NLGN4X: variants seen among roughly 807,000 people sequenced by gnomAD.
The protein encoded by NLGN4X is neuroligin 4 X-linked.
In NLGN4X, 3 loss-of-function variants were observed where a neutral mutation model predicts 40.3. The observed-to-expected ratio is 0.07, with a 90% CI of 0.03 to 0.19. The LOEUF (loss-of-function observed/expected upper bound fraction) is 0.19, where lower values mean the gene tolerates loss of function less well. Ranked by LOEUF, NLGN4X falls within the 10% of genes least tolerant of loss-of-function variation. The probability of loss-of-function intolerance (pLI) is 1.00; values close to 1 mark genes in which losing one functional copy is unlikely to be tolerated. For missense variants in NLGN4X, 382 were observed against 708.3 expected, an observed-to-expected ratio of 0.54 and a Z score of 5.23; for synonymous variants, 270 against 306.8, an observed-to-expected ratio of 0.88 and a Z score of 1.25.
chrX:6,081,671 C>T (rs1480014225), intron 2 of NLGN4X, among the ~76,000 whole-genome samples: 2 of 112,058 alleles, frequency 1.8e-5, no homozygotes, highest in East Asian at 5.7e-4. Flanking sequence ...AAGGGAGTTG[C>T]AGTCAGACTC....
intron 2 of NLGN4X, among the ~76,000 whole-genome samples, chrX:6,144,891 G>C (rs1325932655): frequency 4.9e-4 from 54 of 111,000 alleles, no homozygotes; most frequent in Non-Finnish European, 3.8e-4. Context: ...CTATTCCCAG[G>C]TTCCAGGAAT....
intron 2 of NLGN4X, among the ~76,000 whole-genome samples, chrX:6,083,044 G>A (rs920252262): frequency 1.8e-4 from 16 of 91,328 alleles, no homozygotes; most frequent in African/African-American, 6.7e-4. Context: ...TGCAGGCTCC[G>A]CCCCCTGGGG....
chrX:5,946,457 G>A (rs930770803), intron 3 of NLGN4X, among the ~76,000 whole-genome samples: 1 of 111,240 alleles, frequency 9.0e-6, no homozygotes, highest in East Asian at 2.8e-4. Flanking sequence ...AAAAATAAGA[G>A]AATATGGCAC....
intron 2 of NLGN4X, among the ~76,000 whole-genome samples, chrX:6,056,009 C>A (rs1354435466): frequency 8.9e-6 from 1 of 112,286 alleles, no homozygotes; most frequent in Non-Finnish European, 1.9e-5. Flanking sequence ...CTATATCATG[C>A]ATGAATGATA....
intron 2 of NLGN4X, among the ~76,000 whole-genome samples, chrX:6,132,882 T>C (rs2039711787): frequency 9.0e-6 from 1 of 110,825 alleles, no homozygotes; most frequent in South Asian, 3.9e-4. Flanking sequence ...TGGTGTGAGT[T>C]CTCCTAAGAT....
intron 1 of NLGN4X, among the ~76,000 whole-genome samples, chrX:6,201,346 G>A (rs1457430178): frequency 4.5e-5 from 5 of 112,060 alleles, no homozygotes; most frequent in African/African-American, 1.3e-4. Context: ...AGGTTGGGTG[G>A]AGGATGAAGT....
chrX:6,060,339 A>G (rs959236928), intron 2 of NLGN4X, among the ~76,000 whole-genome samples: 1 of 111,566 alleles, frequency 9.0e-6, no homozygotes, highest in African/African-American at 3.3e-5. Context: ...ACGATCCTTT[A>G]GACACCCTCA....
chrX:6,176,404 G>A (rs1028903634), intron 1 of NLGN4X, among the ~76,000 whole-genome samples: 2 of 111,954 alleles, frequency 1.8e-5, no homozygotes, highest in South Asian at 3.7e-4. Flanking sequence ...GCAGAATAAC[G>A]GACCCCCCGG....
Position 6,004,364 on chromosome X carries a change from C to T in NLGN4X, c.625+24916G>A, listed in dbSNP as rs368326111. ...GATCCCATGTTCTGTCATTTTACAA[C>T]TACATTTAAAATATAAAAAACAACA... On this transcript the variant is annotated intron_variant, in intron 3 of 5. Coordinates refer to ENST00000381095, the MANE Select transcript of NLGN4X (RefSeq NM_181332.3). Among the ~76,000 whole-genome samples, 6 of 111,828 alleles carry T rather than the reference C, an allele frequency of 5.4e-5. No homozygotes were observed. In the East Asian group the frequency reaches 1.4e-3, roughly 26 times the overall value.
chrX:6,224,431 T>C (rs927877673), intron 1 of NLGN4X, among the ~76,000 whole-genome samples: 3 of 111,978 alleles, frequency 2.7e-5, no homozygotes, highest in Non-Finnish European at 3.8e-5. Flanking sequence ...CAGTCAACAC[T>C]CTCATCTTTG....
At chrX:5,934,172 T>G (rs2033656995) in intron 3 of NLGN4X, among the ~76,000 whole-genome samples, 1 of 111,717 alleles carries the variant, frequency 9.0e-6, no homozygotes, top group Admixed American at 9.6e-5. Context: ...CCTGGCTTAT[T>G]TCACTTAACA....
intron 3 of NLGN4X, among the ~76,000 whole-genome samples, chrX:5,984,891 C>A (rs1193447952): frequency 9.0e-6 from 1 of 111,500 alleles, no homozygotes; most frequent in African/African-American, 3.3e-5. Flanking sequence ...TCTTTTAAGA[C>A]AATAATCACA....
chrX:6,209,432 G>A (rs1164109417), intron 1 of NLGN4X, among the ~76,000 whole-genome samples: 1 of 111,046 alleles, frequency 9.0e-6, no homozygotes, highest in Non-Finnish European at 1.9e-5. Context: ...CTAGAAGCTT[G>A]AGTCCAGCAA....
At chrX:6,067,440 T>TCACACA (rs758913698) in intron 2 of NLGN4X, among the ~76,000 whole-genome samples, 47 of 108,920 alleles carry the variant, frequency 4.3e-4, no homozygotes, top group African/African-American at 1.6e-3. Context: ...TCCCAACAGA[T>TCACACA]CACACACACA....
intron 3 of NLGN4X, among the ~76,000 whole-genome samples, chrX:5,962,437 C>T (rs747566585): frequency 8.9e-6 from 1 of 112,147 alleles, no homozygotes; most frequent in East Asian, 2.8e-4. Flanking sequence ...TGCATACCAA[C>T]ACTTTTGCAA....
intron 1 of NLGN4X, among the ~76,000 whole-genome samples, chrX:6,193,161 C>T (rs1245684126): frequency 9.0e-6 from 1 of 110,878 alleles, no homozygotes; most frequent in Non-Finnish European, 1.9e-5. Context: ...GTGGCTCACG[C>T]CTGTAATCCC....
At chrX:6,038,086 A>G (rs1359477165) in intron 2 of NLGN4X, among the ~76,000 whole-genome samples, 1 of 112,330 alleles carries the variant, frequency 8.9e-6, no homozygotes, top group Non-Finnish European at 1.9e-5. Context: ...CATCAGAGAC[A>G]GACATGCACA....
intron 2 of NLGN4X, among the ~76,000 whole-genome samples, chrX:6,063,630 A>T (rs2037828301): frequency 8.9e-6 from 1 of 112,304 alleles, no homozygotes; most frequent in Non-Finnish European, 1.9e-5. Context: ...CAGGCACTCA[A>T]ATAATAACTG....
At chrX:5,928,210 G>A (rs2033402891) in intron 3 of NLGN4X, among the ~76,000 whole-genome samples, 1 of 112,475 alleles carries the variant, frequency 8.9e-6, no homozygotes, top group Admixed American at 9.4e-5. Flanking sequence ...ATATAAACAA[G>A]ATTAAGATCC....
Sources: gnomAD v4.1 joint callset for allele counts (sites outside exome capture counted in the v4.1 genomes callset) on GRCh38, gnomAD v4.1.1 for gene constraint, MANE v1.5 for transcripts, NCBI Gene and HGNC (gene_info 2026-07-23, HGNC 2026-07-21) for gene names.